FHIT: variants seen among roughly 807,000 people sequenced by gnomAD.
FHIT encodes bis(5'-adenosyl)-triphosphatase.
Under a neutral mutation model 17.9 loss-of-function variants are expected in FHIT, and 19 were observed. That is an observed-to-expected ratio of 1.06 (90% CI 0.74 to 1.56). The LOEUF is 1.56. Among genes scored for constraint, FHIT ranks in the 40% most tolerant of loss-of-function variants. FHIT has a pLI of 0.00. For missense variants in FHIT, 248 were observed against 189.2 expected, an observed-to-expected ratio of 1.31 and a Z score of -1.82; for synonymous variants, 81 against 69.7, an observed-to-expected ratio of 1.16 and a Z score of -0.81.
intron 4 of FHIT, among the ~76,000 whole-genome samples, chr3:60,599,690 A>AAAG (rs1204053972): frequency 6.6e-6 from 1 of 151,706 alleles, no homozygotes; most frequent in Non-Finnish European, 1.5e-5. Flanking sequence ...AAGTTAAAAA[A>AAAG]AAAAAAAGGA....
chr3:60,204,189 T>A (rs1208162563), intron 5 of FHIT, among the ~76,000 whole-genome samples: 3 of 152,106 alleles, frequency 2.0e-5, no homozygotes, highest in Admixed American at 2.0e-4. Context: ...GCTCATGTAC[T>A]CCATTAATAT....
In FHIT at chr3:60,489,687, A is replaced by G. The variant is rs1007367564; in HGVS notation, c.103+47173T>C. 2.6e-5 allele frequency among the ~76,000 whole-genome samples: 4 copies of G among 152,206 alleles called. No homozygotes were observed. The South Asian group carries it at 6.2e-4, about 24-fold the overall frequency. ...AATTAGAATAACAAGTTTTTGAACT[A>G]TTATTGCAAAAGAAACAGCAGTCAA... On this transcript the variant is annotated intron_variant, in intron 5 of 9. Coordinates refer to ENST00000492590, the MANE Select transcript of FHIT (RefSeq NM_002012.4).
intron 5 of FHIT, among the ~76,000 whole-genome samples, chr3:60,375,480 C>G (rs970624541): frequency 9.9e-5 from 15 of 151,844 alleles, no homozygotes; most frequent in Non-Finnish European, 1.8e-4. Context: ...GAGGCTGAGG[C>G]ACAAGAATCT....
intron 8 of FHIT, among the ~76,000 whole-genome samples, chr3:59,894,174 C>T (rs975499199): frequency 2.0e-5 from 3 of 152,032 alleles, no homozygotes; most frequent in African/African-American, 2.4e-5. Flanking sequence ...AGCCCAGTAA[C>T]GTCAAGGCTG....
At chr3:61,136,645 C>A (rs9830950) in intron 2 of FHIT, among the ~76,000 whole-genome samples, 1 of 151,974 alleles carries the variant, frequency 6.6e-6, no homozygotes, top group Non-Finnish European at 1.5e-5. Flanking sequence ...AAAATACGTA[C>A]GGCTAAGTGC....
chr3:60,408,456 C>A (rs1402654924), intron 5 of FHIT, among the ~76,000 whole-genome samples: 1 of 151,994 alleles, frequency 6.6e-6, no homozygotes, highest in Non-Finnish European at 1.5e-5. Flanking sequence ...CCCAGTGGGG[C>A]AAGGAATGAC....
At chr3:60,579,943 G>A (rs1553659053) in intron 4 of FHIT, among the ~76,000 whole-genome samples, 1 of 152,098 alleles carries the variant, frequency 6.6e-6, no homozygotes, top group Non-Finnish European at 1.5e-5. Context: ...AATGGAGCAT[G>A]AGTCATTTGA....
At chr3:60,528,426 G>A (rs1377249677) in intron 5 of FHIT, among the ~76,000 whole-genome samples, 5 of 129,724 alleles carry the variant, frequency 3.9e-5, no homozygotes, top group Admixed American at 1.6e-4. Flanking sequence ...GAAAAGAAAG[G>A]AAGGAAGGAA....
intron 3 of FHIT, among the ~76,000 whole-genome samples, chr3:60,955,622 A>ATG (rs1559862420): frequency 9.7e-4 from 15 of 15,530 alleles, no homozygotes; most frequent in Admixed American, 1.7e-3. Context: ...ATATATATAT[A>ATG]TATATATATA....
At chr3:60,732,683 G>GTTTTTTT (rs1559679112) in intron 4 of FHIT, 24 of 193,128 alleles carry the variant, frequency 1.2e-4, no homozygotes, top group Non-Finnish European at 1.5e-4. Flanking sequence ...TGCAAAGACT[G>GTTTTTTT]CTTTTTTTTT....
chr3:60,863,251 T>C (rs1553753101), intron 3 of FHIT, among the ~76,000 whole-genome samples: 2 of 152,176 alleles, frequency 1.3e-5, no homozygotes, highest in East Asian at 1.9e-4. Flanking sequence ...GGGACTTCAG[T>C]CCTACAACCA....
intron 5 of FHIT, among the ~76,000 whole-genome samples, chr3:60,358,580 C>T (rs988826743): frequency 2.0e-5 from 3 of 152,172 alleles, no homozygotes; most frequent in Non-Finnish European, 2.9e-5. Context: ...AGTGTTCTGA[C>T]ATAAACAAAA....
At chr3:61,090,778 T>C (rs933396572) in intron 2 of FHIT, among the ~76,000 whole-genome samples, 3 of 152,144 alleles carry the variant, frequency 2.0e-5, no homozygotes, top group African/African-American at 7.2e-5. Flanking sequence ...TAAACAAAAA[T>C]AACGTTTTTC....
At chr3:60,438,876 T>A (rs1490110265) in intron 5 of FHIT, among the ~76,000 whole-genome samples, 1 of 152,108 alleles carries the variant, frequency 6.6e-6, no homozygotes, top group East Asian at 1.9e-4. Context: ...TCTAGTTCCA[T>A]CACCTCAGTT....
chr3:61,228,181 A>T (rs2040016347), intron 1 of FHIT, among the ~76,000 whole-genome samples: 1 of 147,340 alleles, frequency 6.8e-6, no homozygotes, highest in Non-Finnish European at 1.5e-5. Context: ...AAATAATTTA[A>T]AAAAAAAAAC....
chr3:59,833,127 G>C (rs1173766475), intron 8 of FHIT, among the ~76,000 whole-genome samples: 1 of 152,072 alleles, frequency 6.6e-6, no homozygotes, highest in Non-Finnish European at 1.5e-5. Context: ...AGTTACACTG[G>C]GGTATAAATC....
chr3:59,800,615 C>T (rs534172265), intron 8 of FHIT, among the ~76,000 whole-genome samples: 1 of 152,350 alleles, frequency 6.6e-6, no homozygotes, highest in African/African-American at 2.4e-5. Context: ...TTCCTGTCTT[C>T]AACTGAGCTG....
intron 8 of FHIT, among the ~76,000 whole-genome samples, chr3:59,892,458 A>C (rs17061381): frequency 0.17 from 26,365 of 152,190 alleles, 2,493 homozygotes; most frequent in Middle Eastern, 0.24. Flanking sequence ...TTGATAAATT[A>C]TTTTGGTCAT....
At chr3:59,754,581 C>A (rs970743328) in intron 8 of FHIT, among the ~76,000 whole-genome samples, 1 of 152,132 alleles carries the variant, frequency 6.6e-6, no homozygotes, top group Non-Finnish European at 1.5e-5. Flanking sequence ...CTGCTACTGC[C>A]ATTGGAAGAC....
Sources: allele counts gnomAD v4.1 joint callset (sites outside exome capture counted in the v4.1 genomes callset), GRCh38; gene constraint gnomAD v4.1.1; transcripts MANE v1.5; gene names NCBI Gene and HGNC (gene_info 2026-07-23, HGNC 2026-07-21).